Variants in TMPRSS9 observed in about 807,000 individuals in gnomAD.
TMPRSS9 encodes the protein transmembrane protease serine 9.
Under a neutral mutation model 111.4 loss-of-function variants are expected in TMPRSS9, and 113 were observed. The observed-to-expected ratio is 1.01, with a 90% CI of 0.87 to 1.19. The LOEUF is 1.19. Among genes scored for constraint, TMPRSS9 ranks in the 50% most tolerant of loss-of-function variants. The pLI, the probability that TMPRSS9 is intolerant of heterozygous loss-of-function variation, is 0.00. For missense variants in TMPRSS9, 1,803 were observed against 1,513.1 expected, an observed-to-expected ratio of 1.19 and a Z score of -3.18; for synonymous variants, 805 against 659.1, an observed-to-expected ratio of 1.22 and a Z score of -3.39.
At chr19:2,420,749 G>A (rs146506315) in intron 13 of TMPRSS9, among the ~76,000 whole-genome samples, 303 of 152,290 alleles carry the variant, frequency 2.0e-3, no homozygotes, top group Middle Eastern at 0.01. Context: ...GGAGTGTTGT[G>A]AGATCGGTGT....
At chr19:2,424,947 C>A (rs1341715943) in intron 15 of TMPRSS9, 55 bp from the exon 17 acceptor site, 4 of 1,395,958 alleles carry the variant, frequency 2.9e-6, no homozygotes, top group Non-Finnish European at 3.7e-6. Flanking sequence ...ACCACAGGGG[C>A]GGGGGCCGGG....
At chr19:2,410,718 G>A (rs1971077701) in intron 9 of TMPRSS9, among the ~76,000 whole-genome samples, 1 of 152,114 alleles carries the variant, frequency 6.6e-6, no homozygotes, top group Non-Finnish European at 1.5e-5. Flanking sequence ...GCGTGCCACA[G>A]AGCCTGGGGT....
At position 2,397,037 on chromosome 19, in the gene TMPRSS9, C is replaced by T. The variant is rs191432908; in HGVS notation, c.270+371C>T. 5.3e-5 allele frequency among the ~76,000 whole-genome samples: 8 copies of T among 152,068 alleles called. No homozygotes were observed. The East Asian group carries it at 1.4e-3, about 26-fold the overall frequency. On this transcript the variant is annotated intron_variant, in intron 2 of 17. Transcript: ENST00000648592. ...TCAGGTTCAAGCGATTCTCCTGCCT[C>T]AGCCTCCCGAGTAGCTGGGATTACA...
chr19:2,370,748 T>C (rs1454943989), intron 1 of TMPRSS9, among the ~76,000 whole-genome samples: 7 of 152,180 alleles, frequency 4.6e-5, no homozygotes, highest in African/African-American at 1.7e-4. Context: ...TCTCTCTTTA[T>C]ATATATATTG....
chr19:2,401,488 C>T (rs1021575585), intron 4 of TMPRSS9, among the ~76,000 whole-genome samples: 2 of 152,130 alleles, frequency 1.3e-5, no homozygotes, highest in African/African-American at 4.8e-5. Context: ...GACTGAGGAT[C>T]GGTGTTGAAG....
chr19:2,413,969 G>C, exon 10 of TMPRSS9: 1 of 1,610,572 alleles, frequency 6.2e-7, no homozygotes, highest in South Asian at 1.1e-5. Flanking sequence ...AATCGATGCA[G>C]GCCCTCAGTA....
chr19:2,417,843 C>A (rs1194581190), intron 12 of TMPRSS9, among the ~76,000 whole-genome samples, 159 bp from the exon 14 acceptor site: 2 of 152,136 alleles, frequency 1.3e-5, no homozygotes, highest in African/African-American at 2.4e-5. Context: ...CCCACCTCCT[C>A]CTCACTCTGT....
intron 1 of TMPRSS9, 122 bp from the exon 3 acceptor site, chr19:2,396,417 T>G: frequency 4.9e-6 from 6 of 1,229,270 alleles, no homozygotes; most frequent in Non-Finnish European, 6.5e-6. Context: ...ACCACCCCAC[T>G]GCGTGTCAGG....
exon 1 of TMPRSS9, chr19:2,389,882 G>C (rs769698862): frequency 3.7e-6 from 6 of 1,613,812 alleles, no homozygotes; most frequent in Non-Finnish European, 5.1e-6. Flanking sequence ...CAGCATTGGC[G>C]TGGTGGCCAC....
At chr19:2,399,068 G>A (rs1323527143) in exon 4 of TMPRSS9, 7 of 1,613,284 alleles carry the variant, frequency 4.3e-6, no homozygotes, top group African/African-American at 4.0e-5. Context: ...TTTCTGCTGC[G>A]ACCCCTCCAG....
chr19:2,408,556 C>T (rs760664632), exon 8 of TMPRSS9: 14 of 1,613,618 alleles, frequency 8.7e-6, no homozygotes, highest in East Asian at 2.2e-5. Flanking sequence ...GTGTGCCTCC[C>T]GGCTGCCACA....
At chr19:2,368,325 CAAAAA>C (rs78477170) in intron 1 of TMPRSS9, among the ~76,000 whole-genome samples, 1 of 113,372 alleles carries the variant, frequency 8.8e-6, no homozygotes, top group Non-Finnish European at 1.9e-5. Context: ...TTTGAGAGAC[CAAAAA>C]AAAAAAAAAA....
At chr19:2,360,991 C>A in intron 1 of TMPRSS9, among the ~76,000 whole-genome samples, 1 of 149,572 alleles carries the variant, frequency 6.7e-6, no homozygotes, top group African/African-American at 2.5e-5. Flanking sequence ...GGCCTGGGAC[C>A]GCCGAAGCCC....
chr19:2,374,658 G>C (rs1048878040), intron 1 of TMPRSS9, among the ~76,000 whole-genome samples: 19 of 152,180 alleles, frequency 1.2e-4, no homozygotes, highest in African/African-American at 4.3e-4. Context: ...GCGTTGCTCT[G>C]GTTGTCTCTG....
exon 2 of TMPRSS9, chr19:2,396,544 C>T (rs762364784): frequency 1.2e-6 from 2 of 1,605,664 alleles, no homozygotes; most frequent in Non-Finnish European, 1.7e-6. Flanking sequence ...CCCAGCCTTC[C>T]TCTCTACACA....
intron 1 of TMPRSS9, among the ~76,000 whole-genome samples, chr19:2,378,724 A>G (rs774780911): frequency 6.6e-6 from 1 of 152,180 alleles, no homozygotes; most frequent in Non-Finnish European, 1.5e-5. Context: ...TCTAAAAACA[A>G]AACCTACCTG....
At position 2,416,601 on chromosome 19, in the gene TMPRSS9, C is replaced by A. The variant is rs752764236; in HGVS notation, c.1809C>A (p.Ser603Arg). 6 of 1,612,446 alleles carry A rather than the reference C, an allele frequency of 3.7e-6. No homozygotes were observed. The South Asian group carries it at 6.6e-5, about 18-fold the overall frequency. Residue 603 changes from serine (S) to arginine (R), a missense_variant, in exon 12 of 18, where the codon AGC (serine) becomes AGA (arginine). Physicochemically the swap from Ser to Arg is moderately radical, Grantham distance 110. Coordinates refer to ENST00000648592, the Ensembl canonical transcript of TMPRSS9. The stretch of plus-strand genomic sequence containing the variant: ...CGTCCCTCCTGGGCCTGGGCGGGAG[C>A]CCGGTGAAGATCGGGCTGCGGCGGG...
intron 1 of TMPRSS9, among the ~76,000 whole-genome samples, chr19:2,371,285 A>G (rs918306849): frequency 6.6e-6 from 1 of 152,218 alleles, no homozygotes; most frequent in Non-Finnish European, 1.5e-5. Flanking sequence ...CTGCTAACAA[A>G]GTCCTTGCCT....
intron 8 of TMPRSS9, 100 bp from the exon 10 acceptor site, chr19:2,410,158 G>A (rs34283458): frequency 0.17 from 253,427 of 1,530,284 alleles, 21,955 homozygotes; most frequent in Middle Eastern, 0.2. Context: ...TGGGGAAACT[G>A]AGGGAGGCTT....
Sources: allele counts gnomAD v4.1 joint callset (sites outside exome capture counted in the v4.1 genomes callset), GRCh38; gene constraint gnomAD v4.1.1; transcripts MANE v1.5; gene names NCBI Gene and HGNC (gene_info 2026-07-23, HGNC 2026-07-21).